Variants in TENM4 observed in about 807,000 individuals in gnomAD.
The protein encoded by TENM4 is teneurin transmembrane protein 4.
A neutral mutation model predicts 243.3 loss-of-function variants in TENM4; 82 were observed. The ratio of observed to expected loss-of-function variants is 0.34; its 90% CI spans 0.28 to 0.40. TENM4 has a LOEUF of 0.40. Among genes scored for constraint, TENM4 ranks in the 10% least tolerant of loss-of-function variants. The pLI is 1.00. For missense variants in TENM4, 3,138 were observed against 3,673.3 expected (o/e 0.85, Z 3.77); for synonymous variants, 1,412 against 1,456.3 (o/e 0.97, Z 0.69).
intron 19 of TENM4, among the ~76,000 whole-genome samples, chr11:78,739,040 G>A (rs1300915840): frequency 1.3e-5 from 2 of 151,616 alleles, no homozygotes; most frequent in African/African-American, 4.9e-5. Context: ...GGCTATTACT[G>A]TTATTAACAG....
At chr11:78,795,579 C>A (rs1857143946) in intron 15 of TENM4, among the ~76,000 whole-genome samples, 1 of 152,046 alleles carries the variant, frequency 6.6e-6, no homozygotes, top group Non-Finnish European at 1.5e-5. Context: ...GACAGATAGG[C>A]CTAGGGGCTG....
At chr11:78,688,277 C>T in intron 28 of TENM4, 51 bp from the exon 29 acceptor site, 1 of 1,566,754 alleles carries the variant, frequency 6.4e-7, no homozygotes, top group Non-Finnish European at 8.7e-7. Context: ...GGTGCTCTAG[C>T]TGGAACTTGG....
intron 2 of TENM4, among the ~76,000 whole-genome samples, chr11:79,282,975 T>C (rs1303727897): frequency 1.3e-5 from 2 of 152,114 alleles, no homozygotes; most frequent in Non-Finnish European, 2.9e-5. Flanking sequence ...CTGGCATTTG[T>C]AGGATGTTGT....
chr11:79,061,965 A>ATT (rs10647135), intron 6 of TENM4, among the ~76,000 whole-genome samples: 101,914 of 143,240 alleles, frequency 0.71, 36,882 homozygotes, highest in Middle Eastern at 0.81. Context: ...GGTGGCAACT[A>ATT]TTTTTTTTTT....
chr11:78,985,926 G>A (rs1857907584), intron 6 of TENM4, among the ~76,000 whole-genome samples: 1 of 152,152 alleles, frequency 6.6e-6, no homozygotes, highest in South Asian at 2.1e-4. Flanking sequence ...GCCACTCCAT[G>A]CCCTCCCGTG....
At chr11:79,422,256 C>A (rs1858949889) in intron 1 of TENM4, 1 of 142,408 alleles carries the variant, frequency 7.0e-6, no homozygotes, top group Non-Finnish European at 1.6e-5. Flanking sequence ...CTTACACACA[C>A]ACACACACAC....
intron 9 of TENM4, among the ~76,000 whole-genome samples, chr11:78,880,457 TAAAAAAAAAAAA>T (rs71763484): frequency 3.8e-5 from 4 of 104,646 alleles, no homozygotes; most frequent in African/African-American, 2.7e-4. Context: ...CAATAAATAC[TAAAAAAAAAAAA>T]AAAAAAAAAA....
intron 7 of TENM4, 56 bp from the exon 8 acceptor site, chr11:78,891,392 C>T: frequency 6.8e-7 from 1 of 1,465,616 alleles, no homozygotes; most frequent in Non-Finnish European, 9.3e-7. Context: ...ATGAAGGGGG[C>T]TAGTAGAGAA....
At chr11:78,812,027 A>G in intron 14 of TENM4, 95 bp downstream of exon 14, 4 of 1,445,814 alleles carry the variant, frequency 2.8e-6, no homozygotes, top group African/African-American at 1.4e-5. Context: ...AAAATGGCTC[A>G]GGAGGCTTCC....
chr11:78,947,342 C>T (rs896509871), intron 6 of TENM4, among the ~76,000 whole-genome samples: 1 of 152,192 alleles, frequency 6.6e-6, no homozygotes, highest in Non-Finnish European at 1.5e-5. Flanking sequence ...CCAAGACTCC[C>T]TGGTCACAAC....
At chr11:79,259,414 C>T (rs889194577) in intron 2 of TENM4, among the ~76,000 whole-genome samples, 1 of 152,112 alleles carries the variant, frequency 6.6e-6, no homozygotes, top group Non-Finnish European at 1.5e-5. Flanking sequence ...TGTAAAAATT[C>T]CTTCCTTCCT....
At chr11:78,828,323 C>T (rs2136139615) in intron 12 of TENM4, among the ~76,000 whole-genome samples, 1 of 152,284 alleles carries the variant, frequency 6.6e-6, no homozygotes, top group African/African-American at 2.4e-5. Context: ...CAGCACTAAC[C>T]ATGTATTTGG....
intron 12 of TENM4, among the ~76,000 whole-genome samples, chr11:78,849,960 G>T (rs1192424626): frequency 6.6e-6 from 1 of 152,170 alleles, no homozygotes; most frequent in Non-Finnish European, 1.5e-5. Context: ...CAGGACCAGG[G>T]TCAGTACCCT....
chr11:78,912,633 G>A (rs938617318), intron 6 of TENM4, among the ~76,000 whole-genome samples: 2 of 152,156 alleles, frequency 1.3e-5, no homozygotes, highest in Non-Finnish European at 2.9e-5. Flanking sequence ...TGCACATGAG[G>A]TTCCTCAACC....
intron 6 of TENM4, among the ~76,000 whole-genome samples, chr11:78,981,429 T>G (rs1024151530): frequency 2.0e-5 from 3 of 152,214 alleles, no homozygotes; most frequent in African/African-American, 7.2e-5. Context: ...CAATACCTAC[T>G]GCCCTCCTAA....
intron 22 of TENM4, among the ~76,000 whole-genome samples, chr11:78,728,929 C>T (rs749337009): frequency 2.0e-5 from 3 of 152,038 alleles, no homozygotes; most frequent in Non-Finnish European, 2.9e-5. Context: ...GATGACCTCT[C>T]TGACTGGGTA....
chr11:79,379,423 T>C (rs1857957177), intron 1 of TENM4, among the ~76,000 whole-genome samples: 1 of 152,100 alleles, frequency 6.6e-6, no homozygotes, highest in Non-Finnish European at 1.5e-5. Context: ...TGTACTAGCG[T>C]AGAGTGGAAA....
intron 2 of TENM4, among the ~76,000 whole-genome samples, chr11:79,241,311 A>T (rs1864584560): frequency 6.6e-6 from 1 of 151,970 alleles, no homozygotes; most frequent in African/African-American, 2.4e-5. Flanking sequence ...AAGACAGGGA[A>T]GGAGGGCCAG....
Position 79,149,580 on chromosome 11 carries a change from A to G in TENM4, c.-162-774T>C, listed in dbSNP as rs575402962. On this transcript the variant is annotated intron_variant, in intron 3 of 33. Transcript: ENST00000278550. ...AAAACATCTCATCTTTCTGTTACTG[A>G]GTTCTAACTTAATTGCACTGTGGTA... Among the ~76,000 whole-genome samples, 38 of 152,190 alleles carry G rather than the reference A, an allele frequency of 2.5e-4. 1 individual carries two copies. Among genetic ancestry groups the G allele is most frequent in the African/African-American group, 9.1e-4 (38 of 41,534 alleles).
Sources: gnomAD v4.1 joint callset for allele counts (sites outside exome capture counted in the v4.1 genomes callset) on GRCh38, gnomAD v4.1.1 for gene constraint, MANE v1.5 for transcripts, NCBI Gene and HGNC (gene_info 2026-07-23, HGNC 2026-07-21) for gene names.